CDH8: variants seen among roughly 807,000 people sequenced by gnomAD.
CDH8 encodes cadherin-8.
In CDH8, 17 loss-of-function variants were observed where a neutral mutation model predicts 68.1. That is an observed-to-expected ratio of 0.25 (90% CI 0.17 to 0.37). The LOEUF is 0.37. Among genes scored for constraint, CDH8 ranks in the 10% least tolerant of loss-of-function variants. The pLI, the probability that CDH8 is intolerant of heterozygous loss-of-function variation, is 1.00. For missense variants in CDH8, 763 were observed against 999.3 expected, an observed-to-expected ratio of 0.76 and a Z score of 3.19; for synonymous variants, 372 against 365.1, an observed-to-expected ratio of 1.02 and a Z score of -0.21.
chr16:61,912,980 A>T (rs1254575038), intron 2 of CDH8, among the ~76,000 whole-genome samples: 5 of 152,202 alleles, frequency 3.3e-5, no homozygotes, highest in Non-Finnish European at 5.9e-5. Context: ...TCAATTTTTT[A>T]AAAATACAGT....
chr16:61,791,271 C>T (rs1464329196), intron 7 of CDH8, among the ~76,000 whole-genome samples: 1 of 151,884 alleles, frequency 6.6e-6, no homozygotes, highest in Non-Finnish European at 1.5e-5. Flanking sequence ...GTTAACATTG[C>T]TCTCAACAAA....
chr16:61,665,751 T>TTTTCCTTCCTTC lies in CDH8; in HGVS notation c.1655-10042_1655-10031dup, dbSNP rs1471887752. On this transcript the variant is annotated intron_variant, in intron 10 of 11. Transcript: ENST00000577390. The stretch of plus-strand genomic sequence containing the variant: ...TAATTTATCCCACAGTCTGAATTTA[T>TTTTCCTTCCTTC]TTTCCTTCCTTCCTTCCTTCCTTCC... Among the ~76,000 whole-genome samples the TTTTCCTTCCTTC allele has an allele frequency of 3.0e-5, 3 of 101,284 alleles. 1 individual carries two copies. The East Asian group carries it at 9.6e-4, about 32-fold the overall frequency. The allele number at this position is 101,284 out of a possible 152,430, so 66.4% of individuals were successfully genotyped here.
chr16:61,821,886 G>A (rs377298277), intron 5 of CDH8, among the ~76,000 whole-genome samples: 2 of 151,898 alleles, frequency 1.3e-5, no homozygotes, highest in South Asian at 4.2e-4. Flanking sequence ...CATAACCCCC[G>A]GCCATTGTTA....
intron 4 of CDH8, among the ~76,000 whole-genome samples, chr16:61,856,428 T>C (rs1597021061): frequency 6.6e-6 from 1 of 152,188 alleles, no homozygotes; most frequent in Admixed American, 6.6e-5. Flanking sequence ...TATCTTCATT[T>C]ATTAAAAACT....
At chr16:61,877,732 AAG>A (rs1466746452) in intron 3 of CDH8, among the ~76,000 whole-genome samples, 1 of 152,164 alleles carries the variant, frequency 6.6e-6, no homozygotes, top group East Asian at 1.9e-4. Context: ...AGAGAGAATG[AAG>A]AGAGAGAATA....
At chr16:61,674,335 T>G (rs1963855351) in intron 10 of CDH8, among the ~76,000 whole-genome samples, 1 of 151,624 alleles carries the variant, frequency 6.6e-6, no homozygotes, top group Non-Finnish European at 1.5e-5. Context: ...GTGCCTGTAA[T>G]CCCAGCTACT....
chr16:61,670,750 A>G (rs1419567508), intron 10 of CDH8, among the ~76,000 whole-genome samples: 1 of 151,914 alleles, frequency 6.6e-6, no homozygotes, highest in Non-Finnish European at 1.5e-5. Flanking sequence ...ATAGCATTGA[A>G]CCCTATATTT....
At chr16:61,676,559 A>G (rs561092802) in intron 10 of CDH8, among the ~76,000 whole-genome samples, 6 of 152,232 alleles carry the variant, frequency 3.9e-5, no homozygotes, top group African/African-American at 1.2e-4. Flanking sequence ...AAAATTCAAG[A>G]TTCATTCATG....
At position 61,706,620 on chromosome 16, in the gene CDH8, C is replaced by CAAAAAAAAAAAA. The variant is rs781148249; in HGVS notation, c.1654+7209_1654+7220dup. ...TGGGCACCAGAGCAAGACTCTGTCTCAAAAAAAAAAAAAAAAAAAAAAAAG... is the reference window on the plus strand; with the variant it reads ...TGGGCACCAGAGCAAGACTCTGTCTCAAAAAAAAAAAAAAAAAAAAAAAAAAAAAAAAAAAAG... On this transcript the variant is annotated intron_variant, in intron 10 of 11. Coordinates refer to ENST00000577390, the MANE Select transcript of CDH8 (RefSeq NM_001796.5). Among the ~76,000 whole-genome samples the CAAAAAAAAAAAA allele has an allele frequency of 3.0e-3, 180 of 60,376 alleles. 11 individuals are homozygous for CAAAAAAAAAAAA. Among genetic ancestry groups the CAAAAAAAAAAAA allele is most frequent in the African/African-American group, 8.2e-3 (118 of 14,322 alleles). 39.6% of individuals were successfully genotyped at this position (60,376 alleles called of 152,430 possible).
At chr16:61,954,189 T>C (rs2143601944) in intron 2 of CDH8, among the ~76,000 whole-genome samples, 1 of 152,054 alleles carries the variant, frequency 6.6e-6, no homozygotes, top group South Asian at 2.1e-4. Flanking sequence ...AAAACACATT[T>C]TGAAGTTGGT....
At chr16:61,956,261 T>G (rs528854887) in intron 2 of CDH8, among the ~76,000 whole-genome samples, 1 of 152,152 alleles carries the variant, frequency 6.6e-6, no homozygotes, top group South Asian at 2.1e-4. Context: ...CTGATCTCCT[T>G]TTTTAAAAAT....
chr16:61,934,413 G>T (rs150128352), intron 2 of CDH8, among the ~76,000 whole-genome samples: 22 of 152,224 alleles, frequency 1.4e-4, no homozygotes, highest in African/African-American at 5.1e-4. Flanking sequence ...GAAACAAATG[G>T]AAAGCTTATG....
chr16:61,741,663 C>T (rs1369963515), intron 8 of CDH8, among the ~76,000 whole-genome samples: 5 of 152,056 alleles, frequency 3.3e-5, no homozygotes, highest in Non-Finnish European at 7.4e-5. Context: ...TTCAGTTGAG[C>T]ATTTTCTCTG....
At chr16:61,706,474 A>G (rs1964534379) in intron 10 of CDH8, among the ~76,000 whole-genome samples, 1 of 152,018 alleles carries the variant, frequency 6.6e-6, no homozygotes, top group Non-Finnish European at 1.5e-5. Context: ...AAAAAAAATT[A>G]GCCGGGCGTG....
intron 4 of CDH8, among the ~76,000 whole-genome samples, chr16:61,842,962 CT>C (rs1962720080): frequency 6.6e-6 from 1 of 152,058 alleles, no homozygotes; most frequent in Admixed American, 6.6e-5. Flanking sequence ...GAAAACAGCC[CT>C]TTGTCAAAGT....
intron 4 of CDH8, among the ~76,000 whole-genome samples, chr16:61,831,628 C>A (rs1962456685): frequency 6.6e-6 from 1 of 151,716 alleles, no homozygotes; most frequent in Admixed American, 6.6e-5. Flanking sequence ...TTGGCGTTAT[C>A]ATTTGAGAAG....
Position 61,649,501 on chromosome 16 carries a change from A to G in CDH8, c.*4107T>C, listed in dbSNP as rs1340929957. ...GTTGATATTCATGTTTAAGTTGTGC[A>G]TTTATAGAGCTTTTATAGTGATGCC... On this transcript the variant is annotated 3_prime_UTR_variant, in exon 12 of 12. Coordinates refer to ENST00000577390, the MANE Select transcript of CDH8 (RefSeq NM_001796.5). 1 of 151,788 alleles carries G rather than the reference A, an allele frequency of 6.6e-6. No homozygotes were observed. The highest frequency in any genetic ancestry group is 1.5e-5 in the Non-Finnish European group (1 of 67,930). 9.4% of individuals were successfully genotyped at this position (151,788 alleles called of 1,614,324 possible). A position where few individuals can be genotyped will look rare whatever the true frequency, so the allele number is the denominator to read the frequency against.
At chr16:61,900,984 C>A in intron 3 of CDH8, 195 bp downstream of exon 3, 1 of 549,612 alleles carries the variant, frequency 1.8e-6, no homozygotes, top group Non-Finnish European at 3.2e-6. Flanking sequence ...TAAAATTGCT[C>A]TTCCATCAGT....
chr16:61,873,191 G>A (rs1228937866), intron 3 of CDH8, among the ~76,000 whole-genome samples: 1 of 152,042 alleles, frequency 6.6e-6, no homozygotes, highest in African/African-American at 2.4e-5. Context: ...AATATTATAC[G>A]AATAATAAAA....
Sources: gnomAD v4.1 joint callset for allele counts (sites outside exome capture counted in the v4.1 genomes callset) on GRCh38, gnomAD v4.1.1 for gene constraint, MANE v1.5 for transcripts, NCBI Gene and HGNC (gene_info 2026-07-23, HGNC 2026-07-21) for gene names.